MCCC1: variants seen among roughly 807,000 people sequenced by gnomAD.
MCCC1 encodes the protein methylcrotonoyl-CoA carboxylase subunit alpha, mitochondrial.
Under a neutral mutation model 83.8 loss-of-function variants are expected in MCCC1, and 64 were observed. That is an observed-to-expected ratio of 0.76 (90% CI 0.62 to 0.94). The LOEUF is 0.94. Among genes scored for constraint, MCCC1 ranks in the 40% least tolerant of loss-of-function variants. The pLI, the probability that MCCC1 is intolerant of heterozygous loss-of-function variation, is 0.00. For synonymous variants in MCCC1, 322 were observed against 315.4 expected, an observed-to-expected ratio of 1.02 and a Z score of -0.22; for missense variants, 807 against 904.7, an observed-to-expected ratio of 0.89 and a Z score of 1.39.
intron 8 of MCCC1, among the ~76,000 whole-genome samples, chr3:183,056,018 C>G (rs180822710): frequency 6.6e-6 from 1 of 152,148 alleles, no homozygotes; most frequent in East Asian, 1.9e-4. Flanking sequence ...AATGGGAAAC[C>G]TTGAGATTCC....
intron 1 of MCCC1, among the ~76,000 whole-genome samples, chr3:183,095,282 C>CAA (rs370705638): frequency 7.3e-5 from 10 of 137,492 alleles, no homozygotes; most frequent in Non-Finnish European, 1.4e-4. Context: ...GACTCCGTCT[C>CAA]AAAAAAAAAA....
intron 7 of MCCC1, among the ~76,000 whole-genome samples, chr3:183,069,483 C>G (rs745619879): frequency 1.5e-4 from 23 of 152,224 alleles, no homozygotes; most frequent in African/African-American, 4.8e-4. Context: ...AATGCCCCCC[C>G]CTTTTTTTTT....
At chr3:183,065,494 T>G (rs976645887) in intron 7 of MCCC1, among the ~76,000 whole-genome samples, 2 of 152,356 alleles carry the variant, frequency 1.3e-5, no homozygotes, top group Admixed American at 1.3e-4. Context: ...TTTATGTGAT[T>G]TAAGTAATCT....
chr3:183,061,784 T>C lies in MCCC1; in HGVS notation c.762-4362A>G, dbSNP rs574308674. On this transcript the variant is annotated intron_variant, in intron 7 of 18. Transcript: ENST00000265594. ...GCTTTTTGGATATGACTGATAACTTTCAAGCTCTTTACATGTTGGAGCTGA... is the reference window on the plus strand; with the variant it reads ...GCTTTTTGGATATGACTGATAACTTCCAAGCTCTTTACATGTTGGAGCTGA... Among the ~76,000 whole-genome samples, 8 of 152,380 alleles carry C rather than the reference T, an allele frequency of 5.3e-5. No individual in the cohort carries two copies. The South Asian group carries it at 1.2e-3, about 24-fold the overall frequency.
At chr3:183,019,979 A>G (rs932365840) in intron 17 of MCCC1, 151 bp downstream of exon 17, 2 of 640,822 alleles carry the variant, frequency 3.1e-6, no homozygotes, top group African/African-American at 1.8e-5. Flanking sequence ...GTAATAAACA[A>G]TTTGAATCTG....
chr3:183,091,507 G>A (rs1718329089), intron 3 of MCCC1, among the ~76,000 whole-genome samples: 1 of 152,180 alleles, frequency 6.6e-6, no homozygotes, highest in African/African-American at 2.4e-5. Flanking sequence ...GGTGGAGGTT[G>A]CAGTGAGCCA....
Position 183,032,388 on chromosome 3 carries a change from G to T in MCCC1, c.1681+1603C>A, listed in dbSNP as rs530835460. Among the ~76,000 whole-genome samples, 4 of 152,292 alleles carry T rather than the reference G, an allele frequency of 2.6e-5. No individual in the cohort carries two copies. In the South Asian group the frequency reaches 8.3e-4, roughly 32 times the overall value. The stretch of plus-strand genomic sequence containing the variant: ...AATAAGATACTTCCAGATTTGGGGG[G>T]TTGTATTTTTTAGGATGAAATGAGC... On this transcript the variant is annotated intron_variant, in intron 14 of 18. Transcript: ENST00000265594.
chr3:183,091,322 C>A (rs928233114), intron 3 of MCCC1, among the ~76,000 whole-genome samples: 2 of 152,156 alleles, frequency 1.3e-5, no homozygotes, highest in African/African-American at 4.8e-5. Context: ...AATCCCAGCA[C>A]TTTGGGAGGC....
chr3:183,022,161 ATT>A (rs1160022998), intron 16 of MCCC1, among the ~76,000 whole-genome samples: 1 of 152,224 alleles, frequency 6.6e-6, no homozygotes, highest in Non-Finnish European at 1.5e-5. Context: ...AAATGGAAGG[ATT>A]TGTTTCAGAA....
chr3:183,017,408 T>C (rs1233820900), intron 17 of MCCC1, 71 bp from the exon 18 acceptor site: 10 of 1,371,408 alleles, frequency 7.3e-6, no homozygotes, highest in Non-Finnish European at 1.0e-5. Flanking sequence ...TGCTTCATTA[T>C]AGTAACCATT....
intron 16 of MCCC1, among the ~76,000 whole-genome samples, chr3:183,022,085 G>T (rs1434757520): frequency 2.6e-5 from 4 of 152,154 alleles, no homozygotes; most frequent in Non-Finnish European, 5.9e-5. Context: ...GTGGGGAAAA[G>T]TGTTCAGACA....
intron 2 of MCCC1, among the ~76,000 whole-genome samples, chr3:183,093,051 G>A (rs943591632): frequency 2.0e-5 from 3 of 151,934 alleles, no homozygotes; most frequent in African/African-American, 4.8e-5. Context: ...CTGCCACCAC[G>A]CCTGGCTAAT....
intron 17 of MCCC1, 91 bp from the exon 18 acceptor site, chr3:183,017,428 A>C: frequency 1.9e-6 from 2 of 1,079,472 alleles, no homozygotes; most frequent in African/African-American, 1.5e-5. Flanking sequence ...TTTACTGTCT[A>C]TATATACTCA....
intron 9 of MCCC1, among the ~76,000 whole-genome samples, chr3:183,047,785 CTGAAAAACAG>C: frequency 6.6e-6 from 1 of 151,616 alleles, no homozygotes. Flanking sequence ...ACTTCCAATT[CTGAAAAACAG>C]TGAGAAAAAA....
chr3:183,041,533 A>G (rs989834126), intron 11 of MCCC1, 34 bp downstream of exon 11: 3 of 1,612,612 alleles, frequency 1.9e-6, no homozygotes, highest in African/African-American at 2.7e-5. Flanking sequence ...AAAAACTTAA[A>G]AAGAGTGAGA....
At chr3:183,099,324 C>T (rs755009088) in intron 1 of MCCC1, 28 bp downstream of exon 1, 1 of 1,573,570 alleles carries the variant, frequency 6.4e-7, no homozygotes, top group Non-Finnish European at 8.6e-7. Flanking sequence ...CCCGCCTCTG[C>T]CCACTGAGCC....
At chr3:183,018,970 T>C (rs1361575452) in intron 17 of MCCC1, among the ~76,000 whole-genome samples, 1 of 152,210 alleles carries the variant, frequency 6.6e-6, no homozygotes. Flanking sequence ...TTGGTTAACA[T>C]GGCTACTAAG....
chr3:183,019,285 A>G (rs1711943671), intron 17 of MCCC1, among the ~76,000 whole-genome samples: 1 of 152,230 alleles, frequency 6.6e-6, no homozygotes, highest in Admixed American at 6.5e-5. Flanking sequence ...TTGATGTTAT[A>G]TCAGTATGTG....
At chr3:183,073,943 C>G (rs1004864088) in intron 4 of MCCC1, among the ~76,000 whole-genome samples, 2 of 152,126 alleles carry the variant, frequency 1.3e-5, no homozygotes, top group African/African-American at 4.8e-5. Flanking sequence ...CTAGATGGCT[C>G]CTGAGTGACT....
Sources: gnomAD v4.1 joint callset for allele counts (sites outside exome capture counted in the v4.1 genomes callset) on GRCh38, gnomAD v4.1.1 for gene constraint, MANE v1.5 for transcripts, NCBI Gene and HGNC (gene_info 2026-07-23, HGNC 2026-07-21) for gene names.